Variants in ST6GALNAC1 observed in about 807,000 individuals in gnomAD.
ST6GALNAC1 encodes the protein ST6 N-acetylgalactosaminide alpha-2,6-sialyltransferase 1.
In ST6GALNAC1, 45 loss-of-function variants were observed where a neutral mutation model predicts 56.8. The observed-to-expected ratio is 0.79, with a 90% CI of 0.62 to 1.02. The LOEUF is 1.02. Among genes scored for constraint, ST6GALNAC1 ranks in the 50% least tolerant of loss-of-function variants. ST6GALNAC1 has a pLI of 0.00. For missense variants in ST6GALNAC1, 743 were observed against 754.8 expected (o/e 0.98, Z 0.18); for synonymous variants, 295 against 297.8 (o/e 0.99, Z 0.10).
rs929603829 is a variant in ST6GALNAC1, at chr17:76,626,344, G to A, written c.1360C>T (p.Leu454=). The part of the protein sequence containing the change: ...FLEGTRDYEW[L]EALLMNQTVM... ...GTCTGATTCATAAGCAGTGCTTCCAGCCACTCATAGTCCCGGGTGCCTTCC... is the reference window on the plus strand; with the variant it reads ...GTCTGATTCATAAGCAGTGCTTCCAACCACTCATAGTCCCGGGTGCCTTCC... The change falls in exon 6 of 9, where the codon CTG becomes TTG. Residue 454 remains leucine (L), a synonymous_variant. Coordinates refer to ENST00000156626, the MANE Select transcript of ST6GALNAC1 (RefSeq NM_018414.5). 2 of 1,614,196 alleles carry A rather than the reference G, an allele frequency of 1.2e-6. No individual in the cohort carries two copies. Among genetic ancestry groups the A allele is most frequent in the Admixed American group, 3.3e-5 (2 of 60,028 alleles).
At chr17:76,641,217 G>A (rs1242158523) in intron 1 of ST6GALNAC1, among the ~76,000 whole-genome samples, 2 of 152,084 alleles carry the variant, frequency 1.3e-5, no homozygotes, top group African/African-American at 4.8e-5. Flanking sequence ...CCTGCCCCAC[G>A]AAATGCTTAA....
At chr17:76,621,410 T>G (rs2075739511), downstream of ST6GALNAC1, among the ~76,000 whole-genome samples, 1 of 151,704 alleles carries the variant, frequency 6.6e-6, no homozygotes, top group Non-Finnish European at 1.5e-5. Context: ...CTCGATCTCT[T>G]GACCTGGTAA....
Position 76,627,396 on chromosome 17 carries a change from C to T in ST6GALNAC1, c.1000+19G>A. 1 of 1,613,650 alleles carries T rather than the reference C, an allele frequency of 6.2e-7. No individual in the cohort carries two copies. The highest frequency in any genetic ancestry group is 1.1e-5 in the South Asian group (1 of 91,032). On this transcript the variant is annotated intron_variant, in intron 3 of 8. Transcript: ENST00000156626. The surrounding 1 kb of genome is among the most constrained non-coding windows in gnomAD (Gnocchi z 4.4). ...CGGCCTACTGCGCACCCACACCTTC[C>T]CCTGGGTTAAGGACTCACAGGAGTA...
At chr17:76,619,909 A>G (rs2075724154), downstream of ST6GALNAC1, among the ~76,000 whole-genome samples, 1 of 151,676 alleles carries the variant, frequency 6.6e-6, no homozygotes, top group Admixed American at 6.6e-5. Flanking sequence ...ACACCCGGCT[A>G]ATTTTTGTAT....
downstream of ST6GALNAC1, among the ~76,000 whole-genome samples, chr17:76,620,053 A>T (rs796083692): frequency 5.8e-4 from 75 of 128,552 alleles, 2 homozygotes; most frequent in African/African-American, 2.2e-3. Context: ...CTTTTTAAAA[A>T]TTTTTTATAC....
In ST6GALNAC1 at chr17:76,625,353, C is replaced by T. The variant is rs755142819; in HGVS notation, c.1780G>A (p.Gly594Arg). The T allele has an allele frequency of 8.1e-6, 13 of 1,613,468 alleles. No homozygotes were observed. The highest frequency in any genetic ancestry group is 4.5e-5 in the East Asian group (2 of 44,902). ...GGTCAGTTCTTGGCTTTGGCAGTTCCGGGACCAGGACGCTGGTACAGCCGG... is the reference window on the plus strand; with the variant it reads ...GGTCAGTTCTTGGCTTTGGCAGTTCTGGGACCAGGACGCTGGTACAGCCGG... ...IIRLYQRPGP[G>R]TAKAKN The change falls in exon 9 of 9, where the codon GGA becomes AGA. Residue 594 changes from glycine (G) to arginine (R), a missense_variant. Gly to Arg is a moderately radical substitution (Grantham distance 125). Coordinates refer to ENST00000156626, the MANE Select transcript of ST6GALNAC1 (RefSeq NM_018414.5).
the ST6GALNAC1 span, among the ~76,000 whole-genome samples, chr17:76,619,434 T>C: frequency 7.2e-3 from 1,101 of 152,354 alleles, 15 homozygotes; most frequent in African/African-American, 0.024. Context: ...TTCATACTGA[T>C]ACCTTGAATT....
At chr17:76,624,036 G>A (rs1343739820), downstream of ST6GALNAC1, among the ~76,000 whole-genome samples, 1 of 152,206 alleles carries the variant, frequency 6.6e-6, no homozygotes, top group Non-Finnish European at 1.5e-5. Flanking sequence ...GTGCCGCGGA[G>A]GACAGGGCGC....
chr17:76,637,757 C>T (rs2075997132), intron 1 of ST6GALNAC1: 3 of 398,756 alleles, frequency 7.5e-6, no homozygotes, highest in Admixed American at 4.4e-5. Flanking sequence ...GCAAGAAGAG[C>T]TGAGATTAAG....
At chr17:76,626,872 T>C in intron 4 of ST6GALNAC1, 83 bp from the exon 5 acceptor site, 5 of 1,564,644 alleles carry the variant, frequency 3.2e-6, no homozygotes, top group East Asian at 2.3e-5. Context: ...GAAGGAGAAA[T>C]GGGGGAGGCA....
At chr17:76,637,990 C>T (rs117869084) in intron 1 of ST6GALNAC1, among the ~76,000 whole-genome samples, 2 of 151,804 alleles carry the variant, frequency 1.3e-5, no homozygotes, top group East Asian at 1.9e-4. Flanking sequence ...CCACCGTGCC[C>T]GGCTAATTTT....
rs1218074970 is a variant in ST6GALNAC1, at chr17:76,626,016, T to C, written c.1495A>G (p.Met499Val). 2.5e-6 allele frequency: 4 copies of C among 1,614,058 alleles called. No individual in the cohort carries two copies. The highest frequency in any genetic ancestry group is 1.3e-5 in the African/African-American group (1 of 74,930). ...LLLHPDFLRY[M>V]KNRFLRSKTL... is the part of the protein sequence containing the mutation. ...GCTTTCTGCTCTAACCTGTTCTTCA[T>C]GTATCGGAGAAAGTCTGGGTGCAGC... Residue 499 changes from methionine (M) to valine (V), a missense_variant, in exon 7 of 9, where the codon ATG becomes GTG. By Grantham distance (21) the Met-to-Val change is conservative (BLOSUM62 1). Coordinates refer to ENST00000156626, the MANE Select transcript of ST6GALNAC1 (RefSeq NM_018414.5).
At chr17:76,618,403 A>G in the ST6GALNAC1 span, among the ~76,000 whole-genome samples, 1 of 152,176 alleles carries the variant, frequency 6.6e-6, no homozygotes, top group Non-Finnish European at 1.5e-5. Context: ...GGAGGACAGA[A>G]AAAACAATTT....
At chr17:76,637,756 G>A (rs751580149) in intron 1 of ST6GALNAC1, 6 of 398,930 alleles carry the variant, frequency 1.5e-5, no homozygotes, top group East Asian at 3.6e-5. Context: ...GGCAAGAAGA[G>A]CTGAGATTAA....
rs976129450 is a variant in ST6GALNAC1 at position 76,627,797 on chromosome 17, A to G, written c.832-214T>C. On this transcript the variant is annotated intron_variant, in intron 2 of 8. Coordinates refer to ENST00000156626, the MANE Select transcript of ST6GALNAC1 (RefSeq NM_018414.5). The surrounding 1 kb of genome is among the most constrained non-coding windows in gnomAD (Gnocchi z 4.4). ...TTCTGGGAAATGGGTGTTCTCGGCC[A>G]TCGAGGCAAATGCACCTAGGCCGGG... Among the ~76,000 whole-genome samples the G allele has an allele frequency of 6.6e-6, 1 of 152,124 alleles. No individual in the cohort carries two copies. Among genetic ancestry groups the G allele is most frequent in the Non-Finnish European group, 1.5e-5 (1 of 68,004 alleles).
chr17:76,639,848 A>G (rs2076025988), intron 1 of ST6GALNAC1, among the ~76,000 whole-genome samples: 1 of 151,964 alleles, frequency 6.6e-6, no homozygotes, highest in African/African-American at 2.4e-5. Context: ...GGCGGGCAGT[A>G]AAAATCATAG....
chr17:76,638,549 C>T (rs896522098), intron 1 of ST6GALNAC1, among the ~76,000 whole-genome samples: 3 of 151,894 alleles, frequency 2.0e-5, no homozygotes, highest in Non-Finnish European at 4.4e-5. Flanking sequence ...ACCGCCACCA[C>T]GCCTGGCTAA....
chr17:76,636,673 C>T (rs2075977305), intron 1 of ST6GALNAC1, among the ~76,000 whole-genome samples: 1 of 145,532 alleles, frequency 6.9e-6, no homozygotes. Context: ...CCCACCCAGC[C>T]GCCGCCCCGT....
rs777875771 is a variant in ST6GALNAC1, at chr17:76,626,289, C to T, written c.1415G>A (p.Arg472Lys). The T allele has an allele frequency of 6.2e-7, 1 of 1,614,092 alleles. No individual in the cohort carries two copies. Among genetic ancestry groups the T allele is most frequent in the Non-Finnish European group, 8.5e-7 (1 of 1,179,936 alleles). ...GGGATGGCAGGAGGACAGTGGGTAC[C>T]TGAACCAGAAAAGGTTTTTTGACAT... is the stretch of plus-strand genomic sequence containing the variant. ...TVMSKNLFWF[R>K]HRPQEAFREA... The change falls in exon 6 of 9, where the codon AGG (arginine) becomes AAG (lysine). Residue 472 changes from arginine (R) to lysine (K), a missense_variant and splice_region_variant. By Grantham distance (26) the Arg-to-Lys change is conservative. Transcript: ENST00000156626.
Sources: allele counts gnomAD v4.1 joint callset (sites outside exome capture counted in the v4.1 genomes callset), GRCh38; gene constraint gnomAD v4.1.1; non-coding constraint Gnocchi (gnomAD v3.1); transcripts MANE v1.5; gene names NCBI Gene and HGNC (gene_info 2026-07-23, HGNC 2026-07-21).